Variants in WWOX observed in about 807,000 individuals in gnomAD.
WWOX encodes the protein WW domain-containing oxidoreductase.
WWOX carries 69 observed loss-of-function variants against 46.2 expected under a neutral mutation model. The observed-to-expected ratio is 1.49, with a 90% CI of 1.23 to 1.82. The LOEUF (loss-of-function observed/expected upper bound fraction) is 1.82. WWOX is among the 40% of genes most tolerant of loss of function. WWOX has a pLI of 0.00. For synonymous variants in WWOX, 359 were observed against 202.6 expected (o/e 1.77, Z -6.56); for missense variants, 919 against 542.6 (o/e 1.69, Z -6.89).
intron 8 of WWOX, among the ~76,000 whole-genome samples, chr16:78,779,876 T>G (rs145082151): frequency 5.9e-5 from 9 of 152,282 alleles, no homozygotes; most frequent in African/African-American, 9.6e-5. Flanking sequence ...TGTAACACTT[T>G]CTGCCACCTC....
At chr16:78,848,759 C>G (rs1425648396) in intron 8 of WWOX, among the ~76,000 whole-genome samples, 2 of 151,808 alleles carry the variant, frequency 1.3e-5, no homozygotes, top group Non-Finnish European at 2.9e-5. Flanking sequence ...CAATGCCATA[C>G]ATGAGATTCC....
At chr16:78,929,154 G>T (rs1047695121) in intron 8 of WWOX, among the ~76,000 whole-genome samples, 9 of 152,158 alleles carry the variant, frequency 5.9e-5, no homozygotes, top group South Asian at 2.1e-4. Context: ...ATAAGAACAC[G>T]GTTTGGGGGT....
At chr16:78,353,167 C>A (rs1343287430) in intron 5 of WWOX, among the ~76,000 whole-genome samples, 2 of 152,154 alleles carry the variant, frequency 1.3e-5, no homozygotes, top group Non-Finnish European at 2.9e-5. Flanking sequence ...TCTGCCTTTT[C>A]ATCATAACAC....
At chr16:79,111,530 G>T (rs977240562) in intron 8 of WWOX, among the ~76,000 whole-genome samples, 2 of 152,138 alleles carry the variant, frequency 1.3e-5, no homozygotes, top group Admixed American at 6.6e-5. Flanking sequence ...AGTCATCATG[G>T]TTTCACTTTT....
chr16:78,790,207 G>C (rs1481617794), intron 8 of WWOX, among the ~76,000 whole-genome samples: 4 of 152,102 alleles, frequency 2.6e-5, no homozygotes, highest in South Asian at 2.1e-4. Flanking sequence ...TGCGATCTCA[G>C]CTCACTGCAA....
At chr16:79,064,085 C>T (rs1251627919) in intron 8 of WWOX, among the ~76,000 whole-genome samples, 1 of 152,224 alleles carries the variant, frequency 6.6e-6, no homozygotes, top group Non-Finnish European at 1.5e-5. Context: ...ACTACAGCAA[C>T]ATGTCTAGTG....
chr16:78,229,582 C>G (rs1192296480), intron 5 of WWOX, among the ~76,000 whole-genome samples: 1 of 150,436 alleles, frequency 6.6e-6, no homozygotes, highest in Admixed American at 6.6e-5. Flanking sequence ...ATTTCTAGGA[C>G]TTAGAGTGAT....
chr16:79,017,078 T>C (rs1456735398), intron 8 of WWOX: 1 of 152,126 alleles, frequency 6.6e-6, no homozygotes, highest in African/African-American at 2.4e-5. Context: ...GTATATTATG[T>C]CCCTCTGTGT....
rs752273047 is a variant in WWOX at position 78,432,725 on chromosome 16, C to T, written c.1029C>T (p.Thr343=). ...GGTGGGTGTACACACTGCTGTTTAC[C>T]TTGGCGAGGCCTTTCACCAAGTCCA... The part of the protein sequence containing the change: ...RSWWVYTLLF[T]LARPFTKSMQ... The change falls in exon 8 of 9, where the codon ACC becomes ACT. Residue 343 remains threonine (T), a synonymous_variant. Transcript: ENST00000566780. 3.1e-6 allele frequency: 5 copies of T among 1,614,046 alleles called. No individual in the cohort carries two copies. Among genetic ancestry groups the T allele is most frequent in the Admixed American group, 1.7e-5 (1 of 60,014 alleles).
At chr16:78,422,860 C>T (rs1425394450) in intron 6 of WWOX, among the ~76,000 whole-genome samples, 17 of 131,522 alleles carry the variant, frequency 1.3e-4, no homozygotes, top group African/African-American at 6.6e-4. Context: ...CACACACACA[C>T]ACACACACAC....
chr16:78,356,187 AAAAT>A (rs1435523724), intron 5 of WWOX, among the ~76,000 whole-genome samples: 26 of 151,412 alleles, frequency 1.7e-4, no homozygotes, highest in Non-Finnish European at 3.7e-4. Flanking sequence ...ACTCTGTCTC[AAAAT>A]AAATAAATAA....
rs537199374 is a variant in WWOX at position 78,743,352 on chromosome 16, C to A, written c.1056+310600C>A. On this transcript the variant is annotated intron_variant, in intron 8 of 8. Transcript: ENST00000566780. ...GTTTGCTGTCATTTGTTTCTTAACT[C>A]ATTGATTCTCAAACAGAATCTTCCC... Among the ~76,000 whole-genome samples, 5 of 152,230 alleles carry A rather than the reference C, an allele frequency of 3.3e-5. 1 individual carries two copies. The South Asian group carries it at 8.3e-4, about 25-fold the overall frequency.
Position 78,957,476 on chromosome 16 carries a change from C to T in WWOX, c.1057-254132C>T, listed in dbSNP as rs539586963. The stretch of plus-strand genomic sequence containing the variant: ...CTCATTGTAGACATAGGGATGTCGC[C>T]TGTGTTTGGGGCTGAGACACCAGAA... On this transcript the variant is annotated intron_variant, in intron 8 of 8. Coordinates refer to ENST00000566780, the MANE Select transcript of WWOX (RefSeq NM_016373.4). Among the ~76,000 whole-genome samples, 357 of 152,268 alleles carry T rather than the reference C, an allele frequency of 2.3e-3. 4 individuals carry two copies. The highest frequency in any genetic ancestry group is 2.2e-3 in the Non-Finnish European group (150 of 68,024).
chr16:78,330,438 C>A (rs1360696626), intron 5 of WWOX, among the ~76,000 whole-genome samples: 2 of 151,698 alleles, frequency 1.3e-5, no homozygotes, highest in East Asian at 1.9e-4. Flanking sequence ...TGCTCTGTTG[C>A]CAGGCTATAG....
chr16:78,242,008 T>C (rs2151820269), intron 5 of WWOX, among the ~76,000 whole-genome samples: 1 of 152,318 alleles, frequency 6.6e-6, no homozygotes, highest in South Asian at 2.1e-4. Flanking sequence ...GGCTGAGAAA[T>C]GGAATGCCTG....
At chr16:79,114,330 C>T (rs1229535936) in intron 8 of WWOX, among the ~76,000 whole-genome samples, 1 of 150,780 alleles carries the variant, frequency 6.6e-6, no homozygotes, top group Non-Finnish European at 1.5e-5. Flanking sequence ...TGACTGGTGT[C>T]TTTATTAGAG....
intron 8 of WWOX, among the ~76,000 whole-genome samples, chr16:78,634,489 C>G (rs1268815343): frequency 6.6e-6 from 1 of 151,950 alleles, no homozygotes; most frequent in Admixed American, 6.6e-5. Flanking sequence ...GGGCAGATCA[C>G]AAGGTCAGGA....
In WWOX at chr16:78,352,112, C is replaced by T. The variant is rs978476344; in HGVS notation, c.517-34748C>T. On this transcript the variant is annotated intron_variant, in intron 5 of 8. Transcript: ENST00000566780. Reference sequence around the variant, plus strand: ...GTCAGTGCCCCATCTCAAGGAACAGCTGCACCTCGGCCTATGCGATTGTGA... The same window carrying T: ...GTCAGTGCCCCATCTCAAGGAACAGTTGCACCTCGGCCTATGCGATTGTGA... Among the ~76,000 whole-genome samples, 31 of 152,330 alleles carry T rather than the reference C, an allele frequency of 2.0e-4. No individual in the cohort carries two copies. The South Asian group carries it at 2.9e-3, about 14-fold the overall frequency.
chr16:78,203,632 A>T (rs554201873), intron 5 of WWOX, among the ~76,000 whole-genome samples: 1 of 152,290 alleles, frequency 6.6e-6, no homozygotes, highest in South Asian at 2.1e-4. Context: ...GATGTCAGTT[A>T]ACATTCTTGC....
Sources: gnomAD v4.1 joint callset for allele counts (sites outside exome capture counted in the v4.1 genomes callset) on GRCh38, gnomAD v4.1.1 for gene constraint, MANE v1.5 for transcripts, NCBI Gene and HGNC (gene_info 2026-07-23, HGNC 2026-07-21) for gene names.